TUSC3: variants seen among roughly 807,000 people sequenced by gnomAD.
The protein encoded by TUSC3 is dolichyl-diphosphooligosaccharide--protein glycosyltransferase subunit TUSC3.
In TUSC3, 45 loss-of-function variants were observed where a neutral mutation model predicts 44.8. The observed-to-expected ratio is 1.00, with a 90% CI of 0.79 to 1.29. The LOEUF (loss-of-function observed/expected upper bound fraction) is 1.29. Among genes scored for constraint, TUSC3 ranks in the 50% most tolerant of loss-of-function variants. TUSC3 has a pLI of 0.00. For missense variants in TUSC3, 519 were observed against 437.9 expected (o/e 1.19, Z -1.65); for synonymous variants, 212 against 152.9 (o/e 1.39, Z -2.85).
At chr8:15,579,102 G>A (rs556938699) in intron 1 of TUSC3, among the ~76,000 whole-genome samples, 1,545 of 151,980 alleles carry the variant, frequency 0.01, 13 homozygotes, top group Non-Finnish European at 0.016. Flanking sequence ...GTTTATTTGC[G>A]TAGAGGTGTT....
rs529020650 is a variant in TUSC3 at position 15,460,902 on chromosome 8, C to T, written n.92-22484C>T. 2.0e-5 allele frequency among the ~76,000 whole-genome samples: 3 copies of T among 152,250 alleles called. No individual in the cohort carries two copies. In the East Asian group the frequency reaches 5.8e-4, roughly 29 times the overall value. On this transcript the variant is annotated intron_variant and non_coding_transcript_variant, in intron 1 of 5. Coordinates refer to the TUSC3 transcript ENST00000503191. ...ATTGGTCTATGTGCCTGTTTTTATA[C>T]CAGCATCACCCTGTTTTGGTGAGTA...
the TUSC3 span, among the ~76,000 whole-genome samples, chr8:15,818,869 T>C: frequency 6.6e-6 from 1 of 152,206 alleles, no homozygotes; most frequent in East Asian, 1.9e-4. Flanking sequence ...GTGAAGGCTG[T>C]ATTGAAATAT....
intron 1 of TUSC3, among the ~76,000 whole-genome samples, chr8:15,587,115 A>G (rs1803634298): frequency 6.6e-6 from 1 of 152,104 alleles, no homozygotes; most frequent in African/African-American, 2.4e-5. Flanking sequence ...CCTGAAACAA[A>G]TTATTTAATA....
chr8:15,566,194 A>T (rs1802664785), intron 1 of TUSC3, among the ~76,000 whole-genome samples: 1 of 152,090 alleles, frequency 6.6e-6, no homozygotes, highest in Non-Finnish European at 1.5e-5. Flanking sequence ...GATTCATGTA[A>T]TATATCTTTT....
chr8:15,662,708 C>T (rs539575632), intron 5 of TUSC3, among the ~76,000 whole-genome samples: 52 of 151,776 alleles, frequency 3.4e-4, no homozygotes, highest in Non-Finnish European at 6.5e-4. Flanking sequence ...TAGATACTGG[C>T]GATATAAAGT....
intron 2 of TUSC3, among the ~76,000 whole-genome samples, chr8:15,523,796 G>A (rs1043283660): frequency 1.3e-4 from 20 of 149,994 alleles, no homozygotes; most frequent in Middle Eastern, 3.5e-3. Flanking sequence ...GGAGGCTTAC[G>A]CCTGTAATCC....
At chr8:15,780,425 G>A in the TUSC3 span, among the ~76,000 whole-genome samples, 1 of 152,132 alleles carries the variant, frequency 6.6e-6, no homozygotes, top group Non-Finnish European at 1.5e-5. Context: ...AGGGGACTAG[G>A]CATACACAAG....
At chr8:15,497,710 TTTTC>T (rs1229098922) in intron 2 of TUSC3, among the ~76,000 whole-genome samples, 5 of 150,344 alleles carry the variant, frequency 3.3e-5, no homozygotes, top group Non-Finnish European at 7.4e-5. Flanking sequence ...AAGTTTTCTT[TTTTC>T]TTTCTTTTTC....
chr8:15,722,060 A>T (rs986978641), intron 6 of TUSC3, among the ~76,000 whole-genome samples: 1 of 152,016 alleles, frequency 6.6e-6, no homozygotes. Context: ...AACACAATTG[A>T]TTCCCATTAG....
Position 15,572,004 on chromosome 8 carries a change from G to A in TUSC3, c.138+31436G>A, listed in dbSNP as rs181695284. On this transcript the variant is annotated intron_variant, in intron 1 of 10. Coordinates refer to ENST00000503731, the MANE Select transcript of TUSC3 (RefSeq NM_006765.4). ...GGCACAATAGATTTAGCTTAATTGCGCTGGACCTTAGGCTTTTCGGAATGG... is the reference window on the plus strand; with the variant it reads ...GGCACAATAGATTTAGCTTAATTGCACTGGACCTTAGGCTTTTCGGAATGG... Among the ~76,000 whole-genome samples the A allele has an allele frequency of 3.9e-4, 59 of 152,150 alleles. 1 individual carries two copies. The Middle Eastern group carries it at 0.01, about 26-fold the overall frequency.
At chr8:15,592,940 C>A (rs1387714842) in intron 1 of TUSC3, among the ~76,000 whole-genome samples, 2 of 151,994 alleles carry the variant, frequency 1.3e-5, no homozygotes, top group Non-Finnish European at 2.9e-5. Context: ...GTTCTTGAGC[C>A]CATGCACTTC....
chr8:15,437,534 T>A (rs1261541276), intron 1 of TUSC3, among the ~76,000 whole-genome samples: 1 of 152,228 alleles, frequency 6.6e-6, no homozygotes, highest in Non-Finnish European at 1.5e-5. Context: ...AACTTTCTCT[T>A]GTACTATTTT....
intron 2 of TUSC3, among the ~76,000 whole-genome samples, chr8:15,509,039 G>T (rs1585070358): frequency 6.6e-6 from 1 of 152,312 alleles, no homozygotes; most frequent in Non-Finnish European, 1.5e-5. Flanking sequence ...AGAGGGAAGT[G>T]TTGAAGGGTG....
the TUSC3 span, among the ~76,000 whole-genome samples, chr8:15,822,337 G>C: frequency 1.3e-5 from 2 of 152,122 alleles, no homozygotes; most frequent in African/African-American, 2.4e-5. Context: ...AAAAAATAGA[G>C]TTTGCACTTT....
At chr8:15,657,543 T>C (rs1431687509) in intron 3 of TUSC3, among the ~76,000 whole-genome samples, 1 of 152,218 alleles carries the variant, frequency 6.6e-6, no homozygotes, top group African/African-American at 2.4e-5. Flanking sequence ...TTACTGTCCA[T>C]ATTTCTTACC....
At chr8:15,474,460 C>G (rs192404052) in intron 1 of TUSC3, among the ~76,000 whole-genome samples, 1 of 152,244 alleles carries the variant, frequency 6.6e-6, no homozygotes, top group Non-Finnish European at 1.5e-5. Context: ...TTATGTTCCT[C>G]TGCTGCAGCT....
chr8:15,640,110 TACAA>T (rs1454235466), intron 2 of TUSC3, among the ~76,000 whole-genome samples: 3 of 152,212 alleles, frequency 2.0e-5, no homozygotes, highest in Non-Finnish European at 4.4e-5. Context: ...CTGAACTGTT[TACAA>T]ACAATGTGGT....
intron 1 of TUSC3, among the ~76,000 whole-genome samples, chr8:15,570,541 A>C (rs1029740427): frequency 1.3e-5 from 2 of 152,182 alleles, no homozygotes; most frequent in African/African-American, 4.8e-5. Flanking sequence ...GATTTAATTA[A>C]GCGGATGCTA....
At chr8:15,473,052 T>C (rs1251766803) in intron 1 of TUSC3, among the ~76,000 whole-genome samples, 2 of 152,238 alleles carry the variant, frequency 1.3e-5, no homozygotes, top group Non-Finnish European at 2.9e-5. Context: ...GCTGCCTTCA[T>C]GAAGTTGGAT....
Sources: allele counts gnomAD v4.1 joint callset (sites outside exome capture counted in the v4.1 genomes callset), GRCh38; gene constraint gnomAD v4.1.1; transcripts MANE v1.5; gene names NCBI Gene and HGNC (gene_info 2026-07-23, HGNC 2026-07-21).